The following CRB1 variants were observed in gnomAD, a reference collection of about 807,000 sequenced individuals.
CRB1 encodes protein crumbs homolog 1.
CRB1 carries 83 observed loss-of-function variants against 120.0 expected under a neutral mutation model. The observed-to-expected ratio is 0.69, with a 90% CI of 0.58 to 0.83. CRB1 has a LOEUF of 0.83. CRB1 is among the 40% of genes least tolerant of loss of function. The pLI, the probability that CRB1 is intolerant of heterozygous loss-of-function variation, is 0.00. For synonymous variants in CRB1, 625 were observed against 612.5 expected, an observed-to-expected ratio of 1.02 and a Z score of -0.30; for missense variants, 1,699 against 1,687.6, an observed-to-expected ratio of 1.01 and a Z score of -0.12.
At chr1:197,326,723 C>G (rs140273682) in intron 1 of CRB1, among the ~76,000 whole-genome samples, 46 of 151,898 alleles carry the variant, frequency 3.0e-4, no homozygotes, top group African/African-American at 1.1e-3. Flanking sequence ...GGAACAGAAC[C>G]TTTTTAATTC....
At chr1:197,203,336 T>G in the CRB1 span, among the ~76,000 whole-genome samples, 1 of 152,316 alleles carries the variant, frequency 6.6e-6, no homozygotes, top group South Asian at 2.1e-4. Flanking sequence ...TTTTTTCTTT[T>G]TTTGAGACAG....
intron 11 of CRB1, among the ~76,000 whole-genome samples, chr1:197,473,966 T>A (rs1667096442): frequency 6.6e-6 from 1 of 152,230 alleles, no homozygotes; most frequent in Non-Finnish European, 1.5e-5. Flanking sequence ...ATGCCCTATT[T>A]GATACAGTTA....
Position 197,344,292 on chromosome 1 carries a change from G to A in CRB1, c.664G>A (p.Glu222Lys), listed in dbSNP as rs114846212. 2.5e-4 allele frequency: 408 copies of A among 1,614,134 alleles called. 2 individuals carry two copies. In the East Asian group the frequency reaches 8.7e-3, roughly 35 times the overall value. ...GACTTTTTTAAAAGGTGTAAACTGT[G>A]AATTGGAAATTGACGAATGTTGGTC... ...CPHNYSGVNC[E>K]LEIDECWSQP... The change falls in exon 3 of 12, where the codon GAA becomes AAA. Residue 222 changes from glutamate (E) to lysine (K), a missense_variant. Transcript: ENST00000367400.
At chr1:197,468,272 T>C (rs1666835061) in intron 11 of CRB1, among the ~76,000 whole-genome samples, 1 of 152,064 alleles carries the variant, frequency 6.6e-6, no homozygotes, top group Non-Finnish European at 1.5e-5. Flanking sequence ...ACCACCCATA[T>C]GGAACTGTAA....
chr1:197,428,045 C>A (rs1291622413), intron 7 of CRB1, 44 bp downstream of exon 7: 2 of 1,549,270 alleles, frequency 1.3e-6, no homozygotes, highest in East Asian at 2.3e-5. Context: ...GTATGCTAAA[C>A]TTTTACTTTA....
chr1:197,261,090 A>G, the CRB1 span, among the ~76,000 whole-genome samples: 629 of 152,306 alleles, frequency 4.1e-3, 8 homozygotes, highest in East Asian at 0.034. Flanking sequence ...AAGAGGCTCA[A>G]TTTTTCTAAA....
At chr1:197,391,623 T>C (rs564864785) in intron 5 of CRB1, among the ~76,000 whole-genome samples, 9 of 152,100 alleles carry the variant, frequency 5.9e-5, no homozygotes, top group African/African-American at 2.2e-4. Flanking sequence ...CTTCTGATAG[T>C]TGCATCCTGG....
At chr1:197,284,060 G>C (rs1014603742) in intron 1 of CRB1, among the ~76,000 whole-genome samples, 2 of 151,908 alleles carry the variant, frequency 1.3e-5, no homozygotes. Flanking sequence ...TTTCTCATCT[G>C]CCTAATGGGA....
chr1:197,419,740 C>A (rs78108344), intron 5 of CRB1, among the ~76,000 whole-genome samples: 24 of 147,922 alleles, frequency 1.6e-4, no homozygotes, highest in African/African-American at 6.0e-4. Flanking sequence ...TTTGGGAGGC[C>A]GAGGCGGGTG....
chr1:197,291,461 G>A (rs1181020381), intron 1 of CRB1, among the ~76,000 whole-genome samples: 1 of 151,730 alleles, frequency 6.6e-6, no homozygotes, highest in South Asian at 2.1e-4. Flanking sequence ...TGATTACTGC[G>A]AAAATCTTAT....
rs567734493 is a variant in CRB1, at chr1:197,387,207, A to G, written c.1171+30194A>G. Among the ~76,000 whole-genome samples the G allele has an allele frequency of 3.9e-5, 6 of 152,200 alleles. No individual in the cohort carries two copies. In the South Asian group the frequency reaches 1.2e-3, roughly 32 times the overall value. ...AACCTCCACCTCCCTGGTTCAAGCA[A>G]TTCTCCTGCCTCAGCCTCCGGAAAT... On this transcript the variant is annotated intron_variant, in intron 5 of 11. Coordinates refer to ENST00000367400, the MANE Select transcript of CRB1 (RefSeq NM_201253.3).
chr1:197,438,846 A>G, intron 10 of CRB1, 171 bp downstream of exon 10: 2 of 699,630 alleles, frequency 2.9e-6, no homozygotes, highest in Non-Finnish European at 4.6e-6. Flanking sequence ...ACTACAGTTT[A>G]GGTCAAAGGG....
At chr1:197,309,032 C>T (rs867572378) in intron 1 of CRB1, among the ~76,000 whole-genome samples, 7 of 150,414 alleles carry the variant, frequency 4.7e-5, no homozygotes, top group Non-Finnish European at 7.4e-5. Flanking sequence ...TATACACAAA[C>T]GTGTATATGT....
intron 10 of CRB1, 121 bp from the exon 11 acceptor site, chr1:197,442,045 T>A (rs575180270): frequency 3.7e-6 from 4 of 1,081,334 alleles, no homozygotes; most frequent in Non-Finnish European, 5.7e-6. Flanking sequence ...GTATAAAGTA[T>A]GTGTGGATGG....
chr1:197,453,865 A>T (rs1028401072), intron 11 of CRB1, among the ~76,000 whole-genome samples: 23 of 138,320 alleles, frequency 1.7e-4, no homozygotes, highest in Non-Finnish European at 3.1e-4. Flanking sequence ...ATATATATTA[A>T]TATTATTAAT....
chr1:197,374,595 G>A (rs540063768), intron 5 of CRB1, among the ~76,000 whole-genome samples: 55 of 152,120 alleles, frequency 3.6e-4, no homozygotes, highest in Non-Finnish European at 7.1e-4. Flanking sequence ...GGGAGGGGGA[G>A]GAATCAGGGG....
intron 11 of CRB1, chr1:197,442,558 C>G: frequency 1.4e-6 from 2 of 1,424,856 alleles, no homozygotes; most frequent in South Asian, 3.1e-5. Flanking sequence ...TTATTTTAAA[C>G]ATATCAGAAG....
At chr1:197,232,354 A>C in the CRB1 span, among the ~76,000 whole-genome samples, 7 of 152,300 alleles carry the variant, frequency 4.6e-5, no homozygotes, top group Middle Eastern at 0.014. Context: ...AACTGGGCCA[A>C]CTGGTGGAAA....
chr1:197,323,251 A>T (rs1354799060), intron 1 of CRB1, among the ~76,000 whole-genome samples: 2 of 152,190 alleles, frequency 1.3e-5, no homozygotes, highest in African/African-American at 4.8e-5. Flanking sequence ...GCACACTGAT[A>T]AGTCTCTAGT....
Sources: gnomAD v4.1 joint callset for allele counts (sites outside exome capture counted in the v4.1 genomes callset) on GRCh38, gnomAD v4.1.1 for gene constraint, MANE v1.5 for transcripts, NCBI Gene and HGNC (gene_info 2026-07-23, HGNC 2026-07-21) for gene names.